The following STOX2 variants were observed in gnomAD, a reference collection of about 807,000 sequenced individuals.
The protein encoded by STOX2 is storkhead box 2, also known as storkhead-box protein 2.
In STOX2, 28 loss-of-function variants were observed where a neutral mutation model predicts 60.9. The ratio of observed to expected loss-of-function variants is 0.46; its 90% CI spans 0.34 to 0.63. The LOEUF is 0.63. Among genes scored for constraint, STOX2 ranks in the 30% least tolerant of loss-of-function variants. The pLI is 0.01. For synonymous variants in STOX2, 472 were observed against 463.9 expected (o/e 1.02, Z -0.22); for missense variants, 1,024 against 1,187.7 (o/e 0.86, Z 2.03).
At chr4:183,930,073 C>T (rs192982260) in intron 1 of STOX2, among the ~76,000 whole-genome samples, 52 of 152,032 alleles carry the variant, frequency 3.4e-4, no homozygotes, top group African/African-American at 1.3e-3. Context: ...CCGTATTAGC[C>T]AGGATGGGTC....
chr4:183,809,116 C>G (rs7666764), intron 1 of STOX2, among the ~76,000 whole-genome samples: 37,310 of 152,080 alleles, frequency 0.25, 4,886 homozygotes, highest in African/African-American at 0.34. Context: ...GAGTCTTGCT[C>G]TGTCTCCCAG....
At chr4:183,846,666 C>A (rs112796602) in intron 1 of STOX2, among the ~76,000 whole-genome samples, 2,258 of 152,004 alleles carry the variant, frequency 0.015, 55 homozygotes, top group African/African-American at 0.052. Flanking sequence ...CTCATGATTT[C>A]CTTTAGTTGC....
chr4:184,001,245 G>T lies in STOX2; in HGVS notation c.167-80G>T. ...GACTGTGTTCGTCAGACCAGGGCCA[G>T]ATGGACGCGTGAAGGCGTGTGTCTG... On this transcript the variant is annotated intron_variant, in intron 1 of 3. Coordinates refer to ENST00000308497, the MANE Select transcript of STOX2 (RefSeq NM_020225.3). This position sits in a 1 kb window ranked among gnomAD's most constrained non-coding sequence, Gnocchi z 4.2. 2.8e-6 allele frequency: 4 copies of T among 1,433,086 alleles called. No individual in the cohort carries two copies. Among genetic ancestry groups the T allele is most frequent in the Non-Finnish European group, 2.9e-6 (3 of 1,031,812 alleles). 88.8% of individuals were successfully genotyped at this position (1,433,086 alleles called of 1,614,324 possible). A position where few individuals can be genotyped will look rare whatever the true frequency, so the allele number is the denominator to read the frequency against.
chr4:183,980,363 G>C (rs1405971431), intron 1 of STOX2, among the ~76,000 whole-genome samples: 1 of 152,186 alleles, frequency 6.6e-6, no homozygotes, highest in African/African-American at 2.4e-5. Flanking sequence ...GTTTTTGCGT[G>C]CTGAAAATAA....
intron 1 of STOX2, among the ~76,000 whole-genome samples, chr4:183,885,744 C>T (rs1741064245): frequency 6.6e-6 from 1 of 152,184 alleles, no homozygotes; most frequent in Non-Finnish European, 1.5e-5. Context: ...CTTTGCAGGA[C>T]CTCCTCTTTA....
chr4:183,996,085 T>C (rs1022627198), intron 1 of STOX2, among the ~76,000 whole-genome samples: 1 of 152,254 alleles, frequency 6.6e-6, no homozygotes, highest in Non-Finnish European at 1.5e-5. Flanking sequence ...AATATTTTCA[T>C]GTCTTTTCAC....
At chr4:183,960,901 G>A (rs566225042) in intron 1 of STOX2, among the ~76,000 whole-genome samples, 1 of 152,292 alleles carries the variant, frequency 6.6e-6, no homozygotes, top group African/African-American at 2.4e-5. Flanking sequence ...GTAAAGGGAA[G>A]CTGTGTTTAC....
At chr4:183,933,380 AGTTGTTGTT>A (rs139425065) in intron 1 of STOX2, among the ~76,000 whole-genome samples, 20,181 of 146,724 alleles carry the variant, frequency 0.14, 4,547 homozygotes, top group African/African-American at 0.47. Context: ...AAACCCCAGA[AGTTGTTGTT>A]GTTGTTGTTG....
chr4:183,961,648 C>T (rs1743417767), intron 1 of STOX2, among the ~76,000 whole-genome samples: 2 of 152,216 alleles, frequency 1.3e-5, no homozygotes, highest in Admixed American at 6.5e-5. Context: ...ACAGTGGTGA[C>T]GTCTGGGCTT....
chr4:183,911,752 C>T (rs76104691), intron 1 of STOX2, among the ~76,000 whole-genome samples: 4,489 of 152,162 alleles, frequency 0.03, 209 homozygotes, highest in African/African-American at 0.1. Context: ...TACACGGTTG[C>T]TTAGGCTGCA....
At chr4:183,982,500 A>T (rs991281600) in intron 1 of STOX2, among the ~76,000 whole-genome samples, 22 of 152,036 alleles carry the variant, frequency 1.4e-4, no homozygotes, top group Admixed American at 5.9e-4. Flanking sequence ...TCTTTTTTTA[A>T]AAAAATCAAT....
rs1740289846 is a variant in STOX2, at chr4:183,856,567, C to A, written c.364+58512C>A. On this transcript the variant is annotated intron_variant, in intron 1 of 2. Transcript: ENST00000513034. This position sits in a 1 kb window ranked among gnomAD's most constrained non-coding sequence, Gnocchi z 4.0. ...TGCCTTCCAAAGCCTTGTCTAAAAG[C>A]CGTCCCTGCTCTCAGCCACCTGCCC... Among the ~76,000 whole-genome samples, 3 of 152,190 alleles carry A rather than the reference C, an allele frequency of 2.0e-5. No homozygotes were observed. Among genetic ancestry groups the A allele is most frequent in the Admixed American group, 2.0e-4 (3 of 15,286 alleles).
Position 183,906,650 on chromosome 4 carries a change from G to T in STOX2, c.-141G>T. 1 of 938,734 alleles carries T rather than the reference G, an allele frequency of 1.1e-6. No homozygotes were observed. The allele number at this position is 938,734 out of a possible 1,614,324, so 58.2% of individuals were successfully genotyped here. A position where few individuals can be genotyped will look rare whatever the true frequency, so the allele number is the denominator to read the frequency against. On this transcript the variant is annotated 5_prime_UTR_variant, in exon 1 of 4. Transcript: ENST00000308497. ...GGGGAGGGCCGGACCCGCCGCTGGC[G>T]GTGTAGACGCCGACGAGGAGGGGCT...
chr4:183,885,908 G>A (rs1350291882), intron 1 of STOX2, among the ~76,000 whole-genome samples: 1 of 152,228 alleles, frequency 6.6e-6, no homozygotes, highest in Non-Finnish European at 1.5e-5. Flanking sequence ...ACCTGAAACT[G>A]TTGGCCGAGG....
chr4:183,837,872 C>T (rs1416457411), intron 1 of STOX2, among the ~76,000 whole-genome samples: 1 of 152,160 alleles, frequency 6.6e-6, no homozygotes, highest in Non-Finnish European at 1.5e-5. Context: ...GTGGATGGAG[C>T]CTTGAGTTGT....
At chr4:183,973,296 G>A (rs1455206715) in intron 1 of STOX2, among the ~76,000 whole-genome samples, 1 of 152,096 alleles carries the variant, frequency 6.6e-6, no homozygotes, top group South Asian at 2.1e-4. Flanking sequence ...GAAAACTAAA[G>A]AGAGAAAAAT....
At chr4:183,967,371 GA>G (rs60724798) in intron 1 of STOX2, among the ~76,000 whole-genome samples, 5,341 of 111,112 alleles carry the variant, frequency 0.048, 293 homozygotes, top group African/African-American at 0.14. Flanking sequence ...CGTCTCAAGA[GA>G]AAAAAAAAAA....
In STOX2 at chr4:184,009,136, G is replaced by GTTTTT. The variant is rs34402224; in HGVS notation, c.320-8_320-4dup. 292 of 716,346 alleles carry GTTTTT rather than the reference G, an allele frequency of 4.1e-4. 1 individual carries two copies. Among genetic ancestry groups the GTTTTT allele is most frequent in the South Asian group, 1.3e-3 (61 of 45,880 alleles). The allele number at this position is 716,346 out of a possible 1,614,324, so 44.4% of individuals were successfully genotyped here. A position where few individuals can be genotyped will look rare whatever the true frequency, so the allele number is the denominator to read the frequency against. On this transcript the variant is annotated intron_variant, in intron 2 of 3. Transcript: ENST00000308497. The surrounding 1 kb of genome is among the most constrained non-coding windows in gnomAD (Gnocchi z 4.0). ...TGTTCTGTCTTCATTCTCACAAGTG[G>GTTTTT]TTTTTTTTTTTTTTTTTTCAGGTGT...
intron 1 of STOX2, among the ~76,000 whole-genome samples, chr4:183,914,956 G>C (rs62339676): frequency 0.079 from 12,015 of 152,270 alleles, 585 homozygotes; most frequent in East Asian, 0.12. Context: ...TGAAAACAGA[G>C]CTCTGCAAGT....
Sources: gnomAD v4.1 joint callset for allele counts (sites outside exome capture counted in the v4.1 genomes callset) on GRCh38, gnomAD v4.1.1 for gene constraint, Gnocchi (gnomAD v3.1) non-coding constraint, MANE v1.5 for transcripts, NCBI Gene and HGNC (gene_info 2026-07-23, HGNC 2026-07-21) for gene names.